STK31: variants seen among roughly 807,000 people sequenced by gnomAD.
The protein encoded by STK31 is serine/threonine kinase 31, also known as serine/threonine-protein kinase 31.
Under a neutral mutation model 129.7 loss-of-function variants are expected in STK31, and 89 were observed. The observed-to-expected ratio is 0.69, with a 90% confidence interval of 0.58 to 0.82. STK31 has a LOEUF of 0.82. Ranked by LOEUF, STK31 falls within the 40% of genes least tolerant of loss-of-function variation. The probability of loss-of-function intolerance (pLI) is 0.00; values close to 1 mark genes in which losing one functional copy is unlikely to be tolerated. For missense variants in STK31, 1,187 were observed against 1,176.4 expected (o/e 1.01, Z -0.13); for synonymous variants, 448 against 395.3 (o/e 1.13, Z -1.58).
intron 21 of STK31, among the ~76,000 whole-genome samples, chr7:23,788,935 A>G (rs1344732042): frequency 6.6e-6 from 1 of 152,114 alleles, no homozygotes; most frequent in Non-Finnish European, 1.5e-5. Flanking sequence ...CAAAAAGAAA[A>G]TCCATACTGA....
chr7:23,769,913 A>G (rs961378219), intron 13 of STK31, among the ~76,000 whole-genome samples, 157 bp downstream of exon 13: 1 of 152,186 alleles, frequency 6.6e-6, no homozygotes, highest in African/African-American at 2.4e-5. Flanking sequence ...AAAGAGTAAC[A>G]ATGTCTAGTT....
At chr7:23,797,994 A>G (rs1792085363) in intron 22 of STK31, among the ~76,000 whole-genome samples, 1 of 152,208 alleles carries the variant, frequency 6.6e-6, no homozygotes, top group Non-Finnish European at 1.5e-5. Flanking sequence ...CAACTAGAAA[A>G]TCTAGAAGAA....
At chr7:23,712,941 A>C (rs1323436465) in intron 3 of STK31, among the ~76,000 whole-genome samples, 2 of 152,186 alleles carry the variant, frequency 1.3e-5, no homozygotes, top group African/African-American at 4.8e-5. Flanking sequence ...TCCCTACAGC[A>C]TGGGAACTCC....
At chr7:23,793,195 A>G (rs763123665) in intron 22 of STK31, among the ~76,000 whole-genome samples, 1 of 152,250 alleles carries the variant, frequency 6.6e-6, no homozygotes, top group Non-Finnish European at 1.5e-5. Context: ...AACTCATACC[A>G]TATGTAGAGA....
chr7:23,806,621 C>T (rs1459493927), intron 22 of STK31, among the ~76,000 whole-genome samples: 1 of 152,130 alleles, frequency 6.6e-6, no homozygotes, highest in African/African-American at 2.4e-5. Flanking sequence ...ACAGGTTGGG[C>T]CGGGCGCGGT....
At chr7:23,726,736 T>C (rs1172451609) in intron 4 of STK31, among the ~76,000 whole-genome samples, 1 of 152,204 alleles carries the variant, frequency 6.6e-6, no homozygotes, top group African/African-American at 2.4e-5. Context: ...TTATCTAATT[T>C]AGTTTTATCT....
At chr7:23,762,490 A>C (rs952011070) in intron 10 of STK31, among the ~76,000 whole-genome samples, 1 of 152,150 alleles carries the variant, frequency 6.6e-6, no homozygotes, top group African/African-American at 2.4e-5. Flanking sequence ...TGGGATGGGA[A>C]TAGAAAAGAG....
chr7:23,710,083 T>C, upstream of STK31: 1 of 827,346 alleles, frequency 1.2e-6, no homozygotes, highest in Non-Finnish European at 1.9e-6. Context: ...CCTCAGTGCC[T>C]GGGGGTCGGC....
chr7:23,821,241 A>C (rs1793768473), intron 23 of STK31, among the ~76,000 whole-genome samples: 1 of 152,162 alleles, frequency 6.6e-6, no homozygotes, highest in Admixed American at 6.5e-5. Context: ...CATAGTGGCT[A>C]TACTAATTTA....
rs1791016085 is a variant in STK31 at position 23,782,735 on chromosome 7, GT to G, written c.2068-842del. 2.0e-5 allele frequency among the ~76,000 whole-genome samples: 3 copies of G among 152,082 alleles called. No individual in the cohort carries two copies. In the South Asian group the frequency reaches 6.2e-4, roughly 31 times the overall value. On this transcript the variant is annotated intron_variant, in intron 16 of 23. Transcript: ENST00000355870. ...CAAAGTTACTTATGTAGAGCTATGT[GT>G]TTTTTCTCTTAGGCTTTAAAAATTT...
chr7:23,746,211 A>C (rs1788344103), intron 8 of STK31, among the ~76,000 whole-genome samples: 1 of 152,152 alleles, frequency 6.6e-6, no homozygotes, highest in African/African-American at 2.4e-5. Context: ...GTATGGAGCA[A>C]TATACTTGTG....
intron 22 of STK31, among the ~76,000 whole-genome samples, chr7:23,808,970 T>TGTGTGTGTGTGTGTGTGTGCGCGCGC (rs60631283): frequency 3.6e-5 from 5 of 139,556 alleles, no homozygotes; most frequent in African/African-American, 5.3e-5. Context: ...TGTGTGTGTG[T>TGTGTGTGTGTGTGTGTGTGCGCGCGC]GCCTGTGTCT....
intron 4 of STK31, 80 bp downstream of exon 4, chr7:23,717,659 C>A: frequency 2.7e-6 from 3 of 1,099,906 alleles, no homozygotes; most frequent in South Asian, 3.0e-5. Flanking sequence ...TTTTGGAGTT[C>A]CTGGTATATT....
rs544342175 is a variant in STK31 at position 23,721,819 on chromosome 7, T to C, written c.249+4240T>C. On this transcript the variant is annotated intron_variant, in intron 4 of 23. Transcript: ENST00000355870. Reference sequence around the variant, plus strand: ...TCCTCTACAGGCATGATCCTCTACATTCATTTGATCTTCAATCAGTGATAC... The same window carrying C: ...TCCTCTACAGGCATGATCCTCTACACTCATTTGATCTTCAATCAGTGATAC... 508 of 561,416 alleles carry C rather than the reference T, an allele frequency of 9.0e-4. 7 individuals carry two copies. The South Asian group carries it at 9.1e-3, about 10-fold the overall frequency. The allele number at this position is 561,416 out of a possible 1,614,324, so 34.8% of individuals were successfully genotyped here. A position where few individuals can be genotyped will look rare whatever the true frequency, so the allele number is the denominator to read the frequency against.
At chr7:23,721,268 A>G (rs1441611969) in intron 4 of STK31, 1 of 546,236 alleles carries the variant, frequency 1.8e-6, no homozygotes, top group Non-Finnish European at 3.3e-6. Flanking sequence ...TTTCAAGACT[A>G]AGGGAATTAC....
In STK31 at chr7:23,832,410, G is replaced by GT. The variant is rs1178451258; in HGVS notation, c.*47dup. The stretch of plus-strand genomic sequence containing the variant: ...GCAGAGGTTCTTTTTAAAAACTTTG[G>GT]TTTGGTTAATACACAGAAATATCTA... On this transcript the variant is annotated 3_prime_UTR_variant, in exon 24 of 24. Coordinates refer to ENST00000355870, the MANE Select transcript of STK31 (RefSeq NM_031414.5). 3 of 967,330 alleles carry GT rather than the reference G, an allele frequency of 3.1e-6. No individual in the cohort carries two copies. The highest frequency in any genetic ancestry group is 3.4e-5 in the South Asian group (2 of 57,996). The allele number at this position is 967,330 out of a possible 1,614,324, so 59.9% of individuals were successfully genotyped here. A position where few individuals can be genotyped will look rare whatever the true frequency, so the allele number is the denominator to read the frequency against.
At chr7:23,740,445 C>G (rs930767400) in intron 8 of STK31, among the ~76,000 whole-genome samples, 3 of 152,058 alleles carry the variant, frequency 2.0e-5, no homozygotes, top group Admixed American at 2.0e-4. Flanking sequence ...TTGCAGCCAT[C>G]GATGGTTGTT....
chr7:23,791,888 A>G (rs1408549187), intron 22 of STK31, among the ~76,000 whole-genome samples: 1 of 152,220 alleles, frequency 6.6e-6, no homozygotes, highest in Admixed American at 6.5e-5. Context: ...TTCTGCTGCT[A>G]TAGCATGAAA....
chr7:23,746,120 G>A (rs1238800276), intron 8 of STK31, among the ~76,000 whole-genome samples: 1 of 152,170 alleles, frequency 6.6e-6, no homozygotes, highest in Non-Finnish European at 1.5e-5. Flanking sequence ...AGTCTACTTG[G>A]GGCTGGGCAC....
Sources: gnomAD v4.1 joint callset for allele counts (sites outside exome capture counted in the v4.1 genomes callset) on GRCh38, gnomAD v4.1.1 for gene constraint, MANE v1.5 for transcripts, NCBI Gene and HGNC (gene_info 2026-07-23, HGNC 2026-07-21) for gene names.